Variants in FYB1 observed in about 807,000 individuals in gnomAD.
The protein encoded by FYB1 is FYN-binding protein 1.
FYB1 carries 41 observed loss-of-function variants against 94.1 expected under a neutral mutation model. The observed-to-expected ratio is 0.44, with a 90% CI of 0.34 to 0.57. FYB1 has a LOEUF of 0.57. Among genes scored for constraint, FYB1 ranks in the 20% least tolerant of loss-of-function variants. The pLI, the probability that FYB1 is intolerant of heterozygous loss-of-function variation, is 0.02. For synonymous variants in FYB1, 367 were observed against 353.2 expected (o/e 1.04, Z -0.44); for missense variants, 1,050 against 976.8 (o/e 1.07, Z -1.00).
At chr5:39,210,679 C>A (rs1331097113) in intron 1 of FYB1, among the ~76,000 whole-genome samples, 2 of 152,124 alleles carry the variant, frequency 1.3e-5, no homozygotes, top group East Asian at 3.9e-4. Context: ...TTTGCCATGG[C>A]CTCTGAGGGC....
At position 39,125,718 on chromosome 5, in the gene FYB1, G is replaced by A. The variant is rs142743780; in HGVS notation, c.2045+280C>T. On this transcript the variant is annotated intron_variant, in intron 12 of 18. Coordinates refer to ENST00000512982, the MANE Select transcript of FYB1 (RefSeq NM_001465.6). ...TGTGGATGAGCGTGAGAGGGTATGT[G>A]TGCAATTATGTGTACATGTGTGTTT... Among the ~76,000 whole-genome samples the A allele has an allele frequency of 5.8e-3, 886 of 152,200 alleles. 1 individual carries two copies. The highest frequency in any genetic ancestry group is 0.016 in the South Asian group (75 of 4,822).
At chr5:39,130,694 A>G in intron 9 of FYB1, 82 bp from the exon 10 acceptor site, 2 of 1,083,388 alleles carry the variant, frequency 1.8e-6, no homozygotes, top group Non-Finnish European at 2.7e-6. Flanking sequence ...CTGATTAGTT[A>G]TTCAAAAGAG....
intron 2 of FYB1, among the ~76,000 whole-genome samples, chr5:39,167,040 G>A (rs1392712425): frequency 1.3e-5 from 2 of 152,036 alleles, no homozygotes; most frequent in Non-Finnish European, 2.9e-5. Flanking sequence ...AGGAGAGAAA[G>A]ATATATAAAG....
chr5:39,232,610 A>G (rs534484475), intron 1 of FYB1, among the ~76,000 whole-genome samples: 3 of 151,510 alleles, frequency 2.0e-5, no homozygotes, highest in East Asian at 1.9e-4. Context: ...GTACATGTGC[A>G]CATTGTGCAG....
At chr5:39,189,824 A>G (rs1747193318) in intron 2 of FYB1, among the ~76,000 whole-genome samples, 1 of 152,198 alleles carries the variant, frequency 6.6e-6, no homozygotes, top group Non-Finnish European at 1.5e-5. Context: ...CATGCCTTTG[A>G]TAAGTGGTCT....
intron 1 of FYB1, among the ~76,000 whole-genome samples, chr5:39,262,803 A>G (rs960919440): frequency 1.3e-5 from 2 of 152,206 alleles, no homozygotes. Flanking sequence ...AAGTGCAGAA[A>G]TCATGAAAAA....
intron 1 of FYB1, among the ~76,000 whole-genome samples, chr5:39,259,992 G>A (rs1417825765): frequency 2.0e-5 from 3 of 152,036 alleles, no homozygotes; most frequent in African/African-American, 4.8e-5. Context: ...CAACACATAC[G>A]AAAAAAAGTT....
chr5:39,159,567 C>G (rs1358966986), intron 2 of FYB1, among the ~76,000 whole-genome samples: 1 of 152,186 alleles, frequency 6.6e-6, no homozygotes, highest in Non-Finnish European at 1.5e-5. Flanking sequence ...CCTTGCCTTC[C>G]TCACGTACTA....
chr5:39,137,150 C>T (rs571441769), intron 7 of FYB1, among the ~76,000 whole-genome samples: 1 of 152,230 alleles, frequency 6.6e-6, no homozygotes, highest in East Asian at 1.9e-4. Flanking sequence ...TGTATAGATA[C>T]TAGCAATTAG....
At chr5:39,120,873 T>C (rs1425707488) in intron 14 of FYB1, among the ~76,000 whole-genome samples, 1 of 152,038 alleles carries the variant, frequency 6.6e-6, no homozygotes, top group East Asian at 1.9e-4. Flanking sequence ...CTGCCTATGG[T>C]AGTCTGGGCA....
At chr5:39,192,392 A>G in intron 2 of FYB1, among the ~76,000 whole-genome samples, 1 of 152,278 alleles carries the variant, frequency 6.6e-6, no homozygotes, top group East Asian at 1.9e-4. Context: ...CTCATACTTT[A>G]TTTGAGGGTA....
At chr5:39,145,508 A>C in intron 3 of FYB1, among the ~76,000 whole-genome samples, 1 of 152,340 alleles carries the variant, frequency 6.6e-6, no homozygotes, top group South Asian at 2.1e-4. Flanking sequence ...TTCTAATTTA[A>C]ATACAAATTA....
intron 2 of FYB1, among the ~76,000 whole-genome samples, chr5:39,163,385 T>A (rs1162890728): frequency 1.3e-5 from 2 of 152,202 alleles, no homozygotes; most frequent in Non-Finnish European, 2.9e-5. Context: ...TTTACATAGA[T>A]AATCAAAGCT....
chr5:39,170,894 T>C (rs553943026), intron 2 of FYB1, among the ~76,000 whole-genome samples: 200 of 152,186 alleles, frequency 1.3e-3, no homozygotes, highest in Non-Finnish European at 1.1e-3. Flanking sequence ...ATAAAGCTTG[T>C]TCTTACCTAA....
chr5:39,225,084 G>A (rs1465141357), intron 1 of FYB1, among the ~76,000 whole-genome samples: 1 of 152,192 alleles, frequency 6.6e-6, no homozygotes, highest in East Asian at 1.9e-4. Context: ...TCCCCACTTC[G>A]CATCCTTTAG....
At chr5:39,226,816 C>T (rs940727311) in intron 1 of FYB1, among the ~76,000 whole-genome samples, 1 of 152,282 alleles carries the variant, frequency 6.6e-6, no homozygotes, top group Middle Eastern at 3.4e-3. Context: ...GTAACTAGCT[C>T]CCTCCTCCAA....
At chr5:39,225,226 A>G (rs948978309) in intron 1 of FYB1, among the ~76,000 whole-genome samples, 1 of 152,152 alleles carries the variant, frequency 6.6e-6, no homozygotes, top group African/African-American at 2.4e-5. Context: ...ATATATATAC[A>G]TGTATGTATA....
In FYB1 at chr5:39,202,627, G is replaced by T. The variant is rs1360782873; in HGVS notation, c.334C>A (p.Pro112Thr). Reference protein sequence around the residue: ...DPEAKVGFLKPVGPKPINLPK... With the variant: ...DPEAKVGFLKTVGPKPINLPK... ...AAGTTGATGGGCTTGGGGCCTACAG[G>T]TTTCAGAAATCCCACTTTCGCCTCG... Residue 112 changes from proline (P) to threonine (T), a missense_variant, in exon 2 of 19, where the codon CCT (proline) becomes ACT (threonine). Physicochemically the swap from Pro to Thr is conservative, Grantham distance 38. Coordinates refer to ENST00000512982, the MANE Select transcript of FYB1 (RefSeq NM_001465.6). 1 of 1,613,824 alleles carries T rather than the reference G, an allele frequency of 6.2e-7. No individual in the cohort carries two copies.
chr5:39,183,755 G>A (rs77324867), intron 2 of FYB1, among the ~76,000 whole-genome samples: 2,975 of 152,192 alleles, frequency 0.02, 96 homozygotes, highest in African/African-American at 0.067. Context: ...GGGTTAAAAT[G>A]TTTCTATTGT....
Sources: gnomAD v4.1 joint callset for allele counts (sites outside exome capture counted in the v4.1 genomes callset) on GRCh38, gnomAD v4.1.1 for gene constraint, MANE v1.5 for transcripts, NCBI Gene and HGNC (gene_info 2026-07-23, HGNC 2026-07-21) for gene names.